The following PPFIA2 variants were observed in gnomAD, a reference collection of about 807,000 sequenced individuals.
PPFIA2 encodes the protein PPFI scaffold protein A2, also known as liprin-alpha-2.
In PPFIA2, 46 loss-of-function variants were observed where a neutral mutation model predicts 175.5. The ratio of observed to expected loss-of-function variants is 0.26; its 90% CI spans 0.21 to 0.34. The LOEUF (loss-of-function observed/expected upper bound fraction) is 0.34, where lower values mean the gene tolerates loss of function less well. Ranked by LOEUF, PPFIA2 falls within the 10% of genes least tolerant of loss-of-function variation. The pLI, the probability that PPFIA2 is intolerant of heterozygous loss-of-function variation, is 1.00. For missense variants in PPFIA2, 1,179 were observed against 1,506.1 expected (o/e 0.78, Z 3.60); for synonymous variants, 568 against 511.4 (o/e 1.11, Z -1.49).
intron 8 of PPFIA2, among the ~76,000 whole-genome samples, chr12:81,392,779 C>T (rs1285479737): frequency 1.3e-5 from 2 of 151,964 alleles, no homozygotes; most frequent in Admixed American, 1.3e-4. Context: ...ACGTGCTTCT[C>T]CCCCAAATAT....
chr12:81,365,600 A>T (rs1279074343), intron 14 of PPFIA2, among the ~76,000 whole-genome samples: 1 of 151,786 alleles, frequency 6.6e-6, no homozygotes, highest in Non-Finnish European at 1.5e-5. Context: ...TACCAGTCAC[A>T]GTAAACTTCT....
chr12:81,558,308 G>A (rs574524402), intron 4 of PPFIA2, among the ~76,000 whole-genome samples: 1 of 152,232 alleles, frequency 6.6e-6, no homozygotes, highest in African/African-American at 2.4e-5. Flanking sequence ...TCAAGTTGTG[G>A]AGCTTGGACG....
At chr12:81,585,793 A>G (rs2075226485) in intron 4 of PPFIA2, among the ~76,000 whole-genome samples, 1 of 151,988 alleles carries the variant, frequency 6.6e-6, no homozygotes, top group Non-Finnish European at 1.5e-5. Flanking sequence ...TAGTAAATGT[A>G]TAATCCAGTA....
intron 4 of PPFIA2, among the ~76,000 whole-genome samples, chr12:81,493,585 TA>T (rs1397139713): frequency 6.6e-6 from 1 of 151,542 alleles, no homozygotes; most frequent in South Asian, 2.1e-4. Context: ...ACTGAAGAGA[TA>T]GGGGGCAACA....
chr12:81,425,444 A>G (rs1389703756), intron 7 of PPFIA2, among the ~76,000 whole-genome samples: 1 of 152,236 alleles, frequency 6.6e-6, no homozygotes, highest in Non-Finnish European at 1.5e-5. Flanking sequence ...TCCCAGGTTC[A>G]AGCGATTCTC....
intron 3 of PPFIA2, among the ~76,000 whole-genome samples, chr12:81,715,757 T>C (rs2078528499): frequency 6.6e-6 from 1 of 151,792 alleles, no homozygotes; most frequent in East Asian, 1.9e-4. Flanking sequence ...TAAAAGTATA[T>C]TCCCATGAAA....
chr12:81,599,324 A>G (rs958689294), intron 4 of PPFIA2, among the ~76,000 whole-genome samples: 1 of 151,974 alleles, frequency 6.6e-6, no homozygotes. Flanking sequence ...ATTATTATTC[A>G]TTAGTATTTC....
At chr12:81,724,631 C>A (rs1419407242) in intron 3 of PPFIA2, among the ~76,000 whole-genome samples, 1 of 150,940 alleles carries the variant, frequency 6.6e-6, no homozygotes, top group Non-Finnish European at 1.5e-5. Context: ...CCAGTTCTAT[C>A]CTTGTTGCTG....
chr12:81,667,900 T>C (rs1003252311), intron 4 of PPFIA2, among the ~76,000 whole-genome samples: 16 of 152,080 alleles, frequency 1.1e-4, no homozygotes, highest in African/African-American at 3.9e-4. Flanking sequence ...GCATTCTATC[T>C]GCTTCATAGG....
chr12:81,573,012 TGAGAGAGA>T (rs143437420), intron 4 of PPFIA2, among the ~76,000 whole-genome samples: 1 of 149,398 alleles, frequency 6.7e-6, no homozygotes, highest in South Asian at 2.1e-4. Flanking sequence ...GTATTAATAT[TGAGAGAGA>T]GAGAGAGAGA....
At chr12:81,696,749 C>T (rs1487958555) in intron 3 of PPFIA2, among the ~76,000 whole-genome samples, 3 of 151,974 alleles carry the variant, frequency 2.0e-5, no homozygotes, top group African/African-American at 7.3e-5. Context: ...ATGAATTCTT[C>T]ACCCAGTAAA....
intron 8 of PPFIA2, among the ~76,000 whole-genome samples, chr12:81,404,582 C>A (rs900564843): frequency 2.0e-5 from 3 of 152,068 alleles, no homozygotes; most frequent in Non-Finnish European, 2.9e-5. Flanking sequence ...TAATGAAATA[C>A]GTCAAATTGT....
intron 7 of PPFIA2, among the ~76,000 whole-genome samples, chr12:81,425,956 C>G (rs570553476): frequency 6.6e-6 from 1 of 152,020 alleles, no homozygotes; most frequent in East Asian, 1.9e-4. Context: ...TTGACCTTAC[C>G]CAAAGGAGGT....
chr12:81,701,857 ACT>A (rs2076514629), intron 3 of PPFIA2, among the ~76,000 whole-genome samples: 1 of 146,632 alleles, frequency 6.8e-6, no homozygotes, highest in Admixed American at 6.8e-5. Context: ...CCCGAACTGA[ACT>A]CTTTGTCTCA....
intron 24 of PPFIA2, among the ~76,000 whole-genome samples, chr12:81,287,366 G>T (rs1211267030): frequency 6.6e-6 from 1 of 151,878 alleles, no homozygotes; most frequent in Non-Finnish European, 1.5e-5. Flanking sequence ...GTCTGTGTCT[G>T]CCAGTCTGTC....
intron 4 of PPFIA2, among the ~76,000 whole-genome samples, chr12:81,579,061 G>A (rs1423968638): frequency 2.6e-5 from 4 of 151,776 alleles, no homozygotes; most frequent in Admixed American, 2.0e-4. Context: ...AAAAAATCAT[G>A]AGACAAGTTA....
intron 3 of PPFIA2, among the ~76,000 whole-genome samples, chr12:81,753,259 T>C (rs904109727): frequency 2.0e-5 from 3 of 152,112 alleles, no homozygotes; most frequent in African/African-American, 7.2e-5. Context: ...ACAAGTAAAT[T>C]GACTTTCATC....
intron 8 of PPFIA2, among the ~76,000 whole-genome samples, chr12:81,386,192 G>A (rs2038900430): frequency 1.3e-5 from 2 of 151,692 alleles, no homozygotes; most frequent in South Asian, 4.2e-4. Flanking sequence ...GCAAAAGGAT[G>A]GCTTGAGCCT....
At chr12:81,291,312 T>C (rs2044906472) in intron 24 of PPFIA2, among the ~76,000 whole-genome samples, 1 of 151,916 alleles carries the variant, frequency 6.6e-6, no homozygotes, top group Non-Finnish European at 1.5e-5. Flanking sequence ...TTCATTTTTG[T>C]CTGAAGCCTT....
Sources: gnomAD v4.1 joint callset for allele counts (sites outside exome capture counted in the v4.1 genomes callset) on GRCh38, gnomAD v4.1.1 for gene constraint, MANE v1.5 for transcripts, NCBI Gene and HGNC (gene_info 2026-07-23, HGNC 2026-07-21) for gene names.